The following WDR41 variants were observed in gnomAD, a reference collection of about 807,000 sequenced individuals.
WDR41 encodes WD repeat domain 41.
A neutral mutation model predicts 69.3 loss-of-function variants in WDR41; 63 were observed. The observed-to-expected ratio is 0.91, with a 90% confidence interval of 0.74 to 1.12. The LOEUF is 1.12. WDR41 is among the 50% of genes most tolerant of loss of function. The probability of loss-of-function intolerance (pLI) is 0.00; values close to 1 mark genes in which losing one functional copy is unlikely to be tolerated. For missense variants in WDR41, 543 were observed against 534.5 expected, an observed-to-expected ratio of 1.02 and a Z score of -0.16; for synonymous variants, 185 against 192.1, an observed-to-expected ratio of 0.96 and a Z score of 0.31.
intron 2 of WDR41, among the ~76,000 whole-genome samples, chr5:77,475,871 A>C (rs1276812548): frequency 1.3e-5 from 2 of 152,076 alleles, no homozygotes; most frequent in Non-Finnish European, 2.9e-5. Context: ...TGAAATTACT[A>C]TGAGCTACGG....
At chr5:77,435,849 A>T (rs563800268) in intron 12 of WDR41, among the ~76,000 whole-genome samples, 1 of 152,386 alleles carries the variant, frequency 6.6e-6, no homozygotes, top group East Asian at 1.9e-4. Context: ...CTTCAAAGGC[A>T]GGAGAAACAG....
chr5:77,520,391 G>C (rs1802354466), intron 1 of WDR41, among the ~76,000 whole-genome samples: 4 of 152,146 alleles, frequency 2.6e-5, no homozygotes. Context: ...CTGTGAGGCA[G>C]TAGGATGTAA....
intron 1 of WDR41, among the ~76,000 whole-genome samples, chr5:77,540,883 A>G (rs959385482): frequency 1.3e-5 from 2 of 152,236 alleles, no homozygotes; most frequent in African/African-American, 4.8e-5. Context: ...GATGACTAAA[A>G]GGAGAATGTC....
intron 2 of WDR41, among the ~76,000 whole-genome samples, chr5:77,477,913 T>C (rs1801024212): frequency 1.4e-5 from 2 of 142,928 alleles, no homozygotes; most frequent in South Asian, 2.3e-4. Context: ...ATCAACAAAA[T>C]TGATAGACTG....
At chr5:77,559,980 G>C (rs1743491750) in intron 1 of WDR41, among the ~76,000 whole-genome samples, 1 of 152,058 alleles carries the variant, frequency 6.6e-6, no homozygotes, top group Non-Finnish European at 1.5e-5. Flanking sequence ...GAGACACAAG[G>C]TAGGAAAGGA....
rs141277102 is a variant in WDR41 at position 77,481,277 on chromosome 5, G to A, written c.167+8180C>T. ...CCCGCCTTGGCCTCCCAAAGTTCTGGGATTACAGGCATGAGCCATCATACC... is the reference window on the plus strand; with the variant it reads ...CCCGCCTTGGCCTCCCAAAGTTCTGAGATTACAGGCATGAGCCATCATACC... On this transcript the variant is annotated intron_variant, in intron 2 of 12. Coordinates refer to ENST00000296679, the MANE Select transcript of WDR41 (RefSeq NM_018268.4). Among the ~76,000 whole-genome samples the A allele has an allele frequency of 9.1e-3, 1,379 of 151,614 alleles. 24 individuals carry two copies. Among genetic ancestry groups the A allele is most frequent in the African/African-American group, 0.03 (1,234 of 41,308 alleles).
chr5:77,573,465 C>T (rs1743769224), intron 1 of WDR41, among the ~76,000 whole-genome samples: 1 of 152,128 alleles, frequency 6.6e-6, no homozygotes, highest in African/African-American at 2.4e-5. Context: ...ACTTTATTCT[C>T]CAAATATGCA....
chr5:77,500,142 C>T (rs1581775057), intron 1 of WDR41, among the ~76,000 whole-genome samples: 1 of 152,056 alleles, frequency 6.6e-6, no homozygotes, highest in African/African-American at 2.4e-5. Context: ...GTTGGAATTA[C>T]CTGACGAAGA....
At chr5:77,547,041 A>G (rs1580003216) in intron 1 of WDR41, among the ~76,000 whole-genome samples, 1 of 152,284 alleles carries the variant, frequency 6.6e-6, no homozygotes, top group Admixed American at 6.5e-5. Flanking sequence ...ATCTCAATAG[A>G]TGCAGAAAAA....
intron 5 of WDR41, among the ~76,000 whole-genome samples, chr5:77,456,475 G>C (rs1048520890): frequency 2.0e-5 from 3 of 152,134 alleles, no homozygotes; most frequent in African/African-American, 7.2e-5. Context: ...CAATAGTTTG[G>C]TTGTGGACTT....
chr5:77,512,443 T>C (rs1272615190), intron 1 of WDR41, among the ~76,000 whole-genome samples: 1 of 151,214 alleles, frequency 6.6e-6, no homozygotes, highest in Admixed American at 6.6e-5. Context: ...AAATTAAAAG[T>C]CTTTGGACAT....
At chr5:77,458,463 A>C (rs1799918660) in intron 5 of WDR41, among the ~76,000 whole-genome samples, 1 of 152,166 alleles carries the variant, frequency 6.6e-6, no homozygotes, top group African/African-American at 2.4e-5. Context: ...TTACTAAAAA[A>C]CAGTGGCACT....
At chr5:77,541,606 C>T (rs1743090059) in intron 1 of WDR41, among the ~76,000 whole-genome samples, 3 of 151,180 alleles carry the variant, frequency 2.0e-5, no homozygotes, top group South Asian at 2.1e-4. Context: ...GATTCTCCTG[C>T]CTCAGCCTCC....
intron 1 of WDR41, among the ~76,000 whole-genome samples, chr5:77,608,695 C>T (rs778850364): frequency 1.7e-4 from 26 of 152,194 alleles, no homozygotes; most frequent in Admixed American, 4.6e-4. Context: ...CAAATAGGAA[C>T]GGCTCTGGTC....
At chr5:77,452,753 G>T (rs1279287797) in intron 6 of WDR41, 1 of 152,166 alleles carries the variant, frequency 6.6e-6, no homozygotes, top group Non-Finnish European at 1.5e-5. Flanking sequence ...TGGCAGTATT[G>T]TAATGATTTA....
intron 1 of WDR41, among the ~76,000 whole-genome samples, chr5:77,581,818 T>C (rs1171020051): frequency 6.6e-6 from 1 of 152,102 alleles, no homozygotes; most frequent in Non-Finnish European, 1.5e-5. Flanking sequence ...AAAGACTTCA[T>C]ACCAAAATTT....
intron 8 of WDR41, among the ~76,000 whole-genome samples, chr5:77,444,846 T>G (rs1799314977): frequency 6.6e-6 from 1 of 152,234 alleles, no homozygotes; most frequent in Non-Finnish European, 1.5e-5. Context: ...TTGGCTTATT[T>G]ATTATCTGTA....
At chr5:77,441,473 C>T (rs778020193) in intron 8 of WDR41, among the ~76,000 whole-genome samples, 3 of 151,850 alleles carry the variant, frequency 2.0e-5, no homozygotes, top group African/African-American at 2.4e-5. Context: ...AAACAAGGAC[C>T]GGGCGAGGTA....
rs375882549 is a variant in WDR41 at position 77,464,798 on chromosome 5, G to A, written c.179C>T (p.Ala60Val). 1 of 1,612,540 alleles carries A rather than the reference G, an allele frequency of 6.2e-7. No homozygotes were observed. Among genetic ancestry groups the A allele is most frequent in the Non-Finnish European group, 8.5e-7 (1 of 1,179,714 alleles). Residue 60 changes from alanine (A) to valine (V), a missense_variant, in exon 3 of 13, where the codon GCT (alanine) becomes GTT (valine). By Grantham distance (64) the Ala-to-Val change is moderately conservative. Coordinates refer to ENST00000296679, the MANE Select transcript of WDR41 (RefSeq NM_018268.4). ...CACAACTACAATTCCATCATCACCA[G>A]CAGATGCAAATCTGGTTAGGGAGAA... ...VQLDDYRFAS[A>V]GDDGIVVVWN...
Sources: gnomAD v4.1 joint callset for allele counts (sites outside exome capture counted in the v4.1 genomes callset) on GRCh38, gnomAD v4.1.1 for gene constraint, MANE v1.5 for transcripts, NCBI Gene and HGNC (gene_info 2026-07-23, HGNC 2026-07-21) for gene names.